TMED3: variants seen among roughly 807,000 people sequenced by gnomAD.
TMED3 encodes transmembrane p24 trafficking protein 3.
TMED3 carries 9 observed loss-of-function variants against 15.0 expected under a neutral mutation model. The ratio of observed to expected loss-of-function variants is 0.60; its 90% CI spans 0.36 to 1.04. The LOEUF (loss-of-function observed/expected upper bound fraction) is 1.04. Ranked by LOEUF, TMED3 falls within the 50% of genes least tolerant of loss-of-function variation. The pLI is 0.01. For synonymous variants in TMED3, 117 were observed against 121.4 expected, an observed-to-expected ratio of 0.96 and a Z score of 0.24; for missense variants, 267 against 278.9, an observed-to-expected ratio of 0.96 and a Z score of 0.30.
At chr15:79,318,791 A>C (rs933040414) in intron 2 of TMED3, among the ~76,000 whole-genome samples, 6 of 152,070 alleles carry the variant, frequency 3.9e-5, no homozygotes, top group African/African-American at 1.4e-4. Flanking sequence ...AGCAACCACA[A>C]ATGCGACCAT....
chr15:79,328,420 T>C (rs1027680643), intron 2 of TMED3, among the ~76,000 whole-genome samples: 6 of 152,368 alleles, frequency 3.9e-5, no homozygotes, highest in African/African-American at 1.4e-4. Context: ...AATTTATCTA[T>C]TCCCCTGACT....
chr15:79,392,677 T>G (rs1031311006), intron 2 of TMED3, among the ~76,000 whole-genome samples: 6 of 152,232 alleles, frequency 3.9e-5, no homozygotes, highest in African/African-American at 1.4e-4. Flanking sequence ...GATTTTTTGT[T>G]CGTGTGGTCT....
At chr15:79,326,261 C>G (rs1483662997), downstream of TMED3, among the ~76,000 whole-genome samples, 1 of 152,190 alleles carries the variant, frequency 6.6e-6, no homozygotes, top group Non-Finnish European at 1.5e-5. Context: ...GGAGAAAACA[C>G]AAAGTTGCAA....
At chr15:79,360,443 G>A (rs1037022431) in intron 2 of TMED3, among the ~76,000 whole-genome samples, 3 of 152,216 alleles carry the variant, frequency 2.0e-5, no homozygotes, top group Admixed American at 6.5e-5. Flanking sequence ...CATTCCTGAC[G>A]CATAAGAAAG....
chr15:79,312,889 G>A lies in TMED3; in HGVS notation c.169-868G>A, dbSNP rs149191031. Among the ~76,000 whole-genome samples, 8 of 152,268 alleles carry A rather than the reference G, an allele frequency of 5.3e-5. No individual in the cohort carries two copies. The East Asian group carries it at 1.2e-3, about 22-fold the overall frequency. ...GGGAACACCTGTCTGTTATTGGAAC[G>A]GAGAAGCAGGAGGTGCAGCATGCAT... On this transcript the variant is annotated intron_variant, in intron 1 of 2. Coordinates refer to ENST00000299705, the MANE Select transcript of TMED3 (RefSeq NM_007364.4).
intron 2 of TMED3, chr15:79,383,114 C>T (rs569735765): frequency 4.9e-5 from 61 of 1,236,840 alleles, no homozygotes; most frequent in South Asian, 2.4e-4. Context: ...CAGGTACCCA[C>T]AGCTTTACTG....
intron 2 of TMED3, among the ~76,000 whole-genome samples, chr15:79,329,413 G>A (rs1031096523): frequency 2.0e-5 from 3 of 152,258 alleles, no homozygotes; most frequent in African/African-American, 7.2e-5. Flanking sequence ...ATCCTGGCCA[G>A]AGTGACTCAG....
intron 1 of TMED3, among the ~76,000 whole-genome samples, chr15:79,313,324 G>T (rs1213600803): frequency 6.6e-6 from 1 of 152,120 alleles, no homozygotes; most frequent in Non-Finnish European, 1.5e-5. Context: ...TTATCCTGGG[G>T]TATGTTCATT....
At chr15:79,387,536 T>G (rs932072703) in intron 2 of TMED3, among the ~76,000 whole-genome samples, 1 of 152,140 alleles carries the variant, frequency 6.6e-6, no homozygotes, top group Non-Finnish European at 1.5e-5. Context: ...GCTGTTTGCA[T>G]TTCCGTGAAA....
chr15:79,350,153 G>A (rs1045422519), intron 2 of TMED3, among the ~76,000 whole-genome samples: 1 of 152,210 alleles, frequency 6.6e-6, no homozygotes, highest in African/African-American at 2.4e-5. Context: ...TGAATAGATG[G>A]ATAGATGGCT....
intron 2 of TMED3, among the ~76,000 whole-genome samples, chr15:79,330,535 C>T (rs750255802): frequency 3.9e-5 from 6 of 151,974 alleles, no homozygotes; most frequent in Admixed American, 6.6e-5. Context: ...AAATTGAAGA[C>T]GATACAGTAA....
Position 79,319,156 on chromosome 15 carries a change from C to G in TMED3, c.418-2822C>G, listed in dbSNP as rs115726334. ...TTGAGCTGGTGTACCCAGTCTAACT[C>G]TATCAGTTCCATCTGATACACAGTG... is the stretch of plus-strand genomic sequence containing the variant. On this transcript the variant is annotated intron_variant, in intron 2 of 2. Coordinates refer to ENST00000299705, the MANE Select transcript of TMED3 (RefSeq NM_007364.4). Among the ~76,000 whole-genome samples, 744 of 152,338 alleles carry G rather than the reference C, an allele frequency of 4.9e-3. 6 individuals carry two copies. The highest frequency in any genetic ancestry group is 0.017 in the African/African-American group (715 of 41,578).
chr15:79,403,584 C>A (rs954137397), intron 2 of TMED3, among the ~76,000 whole-genome samples: 8 of 152,168 alleles, frequency 5.3e-5, no homozygotes, highest in African/African-American at 1.7e-4. Flanking sequence ...TAGCAGCAAT[C>A]CCAGTTTCTA....
chr15:79,370,118 T>A (rs1324284429), intron 2 of TMED3, among the ~76,000 whole-genome samples: 2 of 151,742 alleles, frequency 1.3e-5, no homozygotes, highest in Non-Finnish European at 2.9e-5. Context: ...TGAGACAGAG[T>A]CTCACTCTGT....
chr15:79,370,775 AG>A (rs1395978972), intron 2 of TMED3, among the ~76,000 whole-genome samples: 64 of 152,234 alleles, frequency 4.2e-4, no homozygotes, highest in African/African-American at 1.4e-3. Context: ...CTTAAATGGG[AG>A]GGAATGTTGT....
At chr15:79,377,941 C>A (rs1054576066) in intron 2 of TMED3, among the ~76,000 whole-genome samples, 1 of 152,138 alleles carries the variant, frequency 6.6e-6, no homozygotes, top group African/African-American at 2.4e-5. Context: ...CCACCGCGCC[C>A]GGCTGAACAA....
At chr15:79,365,912 T>G (rs1395189093) in intron 2 of TMED3, among the ~76,000 whole-genome samples, 1 of 152,178 alleles carries the variant, frequency 6.6e-6, no homozygotes, top group Non-Finnish European at 1.5e-5. Flanking sequence ...GGGTCCGAGT[T>G]TCTGAAGAAC....
intron 2 of TMED3, among the ~76,000 whole-genome samples, chr15:79,347,698 A>C (rs2058875955): frequency 6.6e-6 from 1 of 152,220 alleles, no homozygotes; most frequent in Admixed American, 6.5e-5. Context: ...AGCATACAAA[A>C]TCAATGTGCA....
intron 2 of TMED3, among the ~76,000 whole-genome samples, chr15:79,371,301 C>T (rs1186612537): frequency 2.6e-5 from 4 of 151,992 alleles, no homozygotes; most frequent in Admixed American, 2.6e-4. Context: ...TTAAGAAAAT[C>T]CATATAAAAT....
Sources: gnomAD v4.1 joint callset for allele counts (sites outside exome capture counted in the v4.1 genomes callset) on GRCh38, gnomAD v4.1.1 for gene constraint, MANE v1.5 for transcripts, NCBI Gene and HGNC (gene_info 2026-07-23, HGNC 2026-07-21) for gene names.